The following JAKMIP1 variants were observed in gnomAD, a reference collection of about 807,000 sequenced individuals.
JAKMIP1 encodes janus kinase and microtubule interacting protein 1.
In JAKMIP1, 33 loss-of-function variants were observed where a neutral mutation model predicts 113.0. The observed-to-expected ratio is 0.29, with a 90% CI of 0.22 to 0.39. The LOEUF (loss-of-function observed/expected upper bound fraction) is 0.39, where lower values mean the gene tolerates loss of function less well. Among genes scored for constraint, JAKMIP1 ranks in the 10% least tolerant of loss-of-function variants. The pLI is 1.00. For missense variants in JAKMIP1, 813 were observed against 1,080.5 expected (o/e 0.75, Z 3.47); for synonymous variants, 480 against 459.9 (o/e 1.04, Z -0.56).
In JAKMIP1 at chr4:6,031,862, C is replaced by T. The variant is rs773414139; in HGVS notation, c.2380-2081G>A. ...TGCCCACATCTAAGGATTTAACAAG[C>T]AAATTTGTACCAAGTGTTTAGAGCA... On this transcript the variant is annotated intron_variant, in intron 19 of 20. Coordinates refer to ENST00000409021, the MANE Select transcript of JAKMIP1 (RefSeq NM_001099433.2). This position sits in a 1 kb window ranked among gnomAD's most constrained non-coding sequence, Gnocchi z 4.4. Among the ~76,000 whole-genome samples, 8 of 152,204 alleles carry T rather than the reference C, an allele frequency of 5.3e-5. No homozygotes were observed. The highest frequency in any genetic ancestry group is 1.2e-4 in the Non-Finnish European group (8 of 68,044).
chr4:6,067,966 G>T lies in JAKMIP1; in HGVS notation c.1303-2958C>A, dbSNP rs1314833398. On this transcript the variant is annotated intron_variant, in intron 8 of 20. Coordinates refer to ENST00000409021, the MANE Select transcript of JAKMIP1 (RefSeq NM_001099433.2). This position sits in a 1 kb window ranked among gnomAD's most constrained non-coding sequence, Gnocchi z 4.6. ...GGGGACGAGTCTGTTTGTTGCTGTA[G>T]CCCAGGAAGCATCATCAAGTTACAC... 6.6e-6 allele frequency among the ~76,000 whole-genome samples: 1 copy of T among 152,132 alleles called. No homozygotes were observed. The highest frequency in any genetic ancestry group is 1.5e-5 in the Non-Finnish European group (1 of 68,016).
rs1720073153 is a variant in JAKMIP1, at chr4:6,141,072, A to T, written c.-147-28075T>A. On this transcript the variant is annotated intron_variant, in intron 1 of 20. Coordinates refer to ENST00000409021, the MANE Select transcript of JAKMIP1 (RefSeq NM_001099433.2). This position sits in a 1 kb window ranked among gnomAD's most constrained non-coding sequence, Gnocchi z 9.4. ...GGCCCCCTGCCCAGCATTCACAGCG[A>T]AGAAGCCTCAGTCAGTCACTACCAT... Among the ~76,000 whole-genome samples, 1 of 152,216 alleles carries T rather than the reference A, an allele frequency of 6.6e-6. No individual in the cohort carries two copies. The highest frequency in any genetic ancestry group is 2.1e-4 in the South Asian group (1 of 4,832).
chr4:6,127,548 G>A (rs1250881607), intron 1 of JAKMIP1, among the ~76,000 whole-genome samples: 1 of 152,194 alleles, frequency 6.6e-6, no homozygotes, highest in African/African-American at 2.4e-5. Context: ...TGGCACGTTG[G>A]TGAGGCCCAA....
At chr4:6,072,511 G>A (rs1434305006) in intron 8 of JAKMIP1, among the ~76,000 whole-genome samples, 4 of 152,168 alleles carry the variant, frequency 2.6e-5, no homozygotes, top group Admixed American at 2.6e-4. Flanking sequence ...GAGCCAGAAG[G>A]GAACAAGCCC....
At chr4:6,027,187 G>A (rs1300025613) in intron 20 of JAKMIP1, among the ~76,000 whole-genome samples, 1 of 152,168 alleles carries the variant, frequency 6.6e-6, no homozygotes, top group African/African-American at 2.4e-5. Context: ...AAAAGGAGTT[G>A]CAAGTCATTA....
chr4:6,075,816 C>T (rs1290653882), intron 8 of JAKMIP1, among the ~76,000 whole-genome samples: 1 of 152,234 alleles, frequency 6.6e-6, no homozygotes, highest in African/African-American at 2.4e-5. Context: ...GTTGTACAGG[C>T]AATGTAGCAA....
intron 5 of JAKMIP1, 78 bp downstream of exon 5, chr4:6,084,768 G>A (rs188233072): frequency 1.4e-6 from 2 of 1,447,870 alleles, no homozygotes; most frequent in East Asian, 2.4e-5. Flanking sequence ...TTAACTTTCT[G>A]TGCAGGGCAT....
intron 1 of JAKMIP1, among the ~76,000 whole-genome samples, chr4:6,114,284 G>C (rs1384049232): frequency 6.6e-6 from 1 of 152,208 alleles, no homozygotes; most frequent in Non-Finnish European, 1.5e-5. Flanking sequence ...CACCAGGGAG[G>C]CTACAGAAGA....
chr4:6,059,868 C>T lies in JAKMIP1; in HGVS notation c.1644+556G>A, dbSNP rs181056015. Among the ~76,000 whole-genome samples the T allele has an allele frequency of 6.6e-6, 1 of 152,126 alleles. No homozygotes were observed. The highest frequency in any genetic ancestry group is 2.4e-5 in the African/African-American group (1 of 41,400). On this transcript the variant is annotated intron_variant, in intron 11 of 20. Transcript: ENST00000409021. This position sits in a 1 kb window ranked among gnomAD's most constrained non-coding sequence, Gnocchi z 4.8. Reference sequence around the variant, plus strand: ...CACCCAGAGCCCTCTCTGGCTCCCCCACTCCAGGGGACAGGTCTAGGCCCA... The same window carrying T: ...CACCCAGAGCCCTCTCTGGCTCCCCTACTCCAGGGGACAGGTCTAGGCCCA...
Position 6,106,015 on chromosome 4 carries a change from A to G in JAKMIP1, c.130-48T>C. 8.0e-7 allele frequency: 1 copy of G among 1,246,384 alleles called. No individual in the cohort carries two copies. Among genetic ancestry groups the G allele is most frequent in the Non-Finnish European group, 1.1e-6 (1 of 898,350 alleles). 77.2% of individuals were successfully genotyped at this position (1,246,384 alleles called of 1,614,324 possible). ...GCCGGTCAGGGTCAGGGTCAGGGTC[A>G]GGGTCAGGGTCAGGGTCACAGCTGG... On this transcript the variant is annotated intron_variant, in intron 2 of 20. Transcript: ENST00000409021. This position sits in a 1 kb window ranked among gnomAD's most constrained non-coding sequence, Gnocchi z 5.9.
intron 2 of JAKMIP1, among the ~76,000 whole-genome samples, chr4:6,110,317 G>A (rs1002298219): frequency 1.3e-5 from 2 of 152,082 alleles, no homozygotes; most frequent in Non-Finnish European, 2.9e-5. Context: ...GCGGCCGTCT[G>A]CAAGCCAAGG....
rs974076826 is a variant in JAKMIP1 at position 6,143,819 on chromosome 4, T to A, written c.-147-30822A>T. ...AAATAGAGAAGAAAAAAGAACAATT[T>A]CTGGTCATCAGGGAATAACAGAAGG... On this transcript the variant is annotated intron_variant, in intron 1 of 20. Transcript: ENST00000409021. This position sits in a 1 kb window ranked among gnomAD's most constrained non-coding sequence, Gnocchi z 4.9. 6.6e-6 allele frequency among the ~76,000 whole-genome samples: 1 copy of A among 152,328 alleles called. No homozygotes were observed. Among genetic ancestry groups the A allele is most frequent in the African/African-American group, 2.4e-5 (1 of 41,572 alleles).
chr4:6,123,472 C>A (rs1179990724), intron 1 of JAKMIP1, among the ~76,000 whole-genome samples: 4 of 152,264 alleles, frequency 2.6e-5, no homozygotes, highest in African/African-American at 9.6e-5. Context: ...TCCACCATGC[C>A]ACCACCCCAA....
At chr4:6,134,754 G>A (rs898830151) in intron 1 of JAKMIP1, among the ~76,000 whole-genome samples, 4 of 152,312 alleles carry the variant, frequency 2.6e-5, no homozygotes, top group African/African-American at 9.6e-5. Flanking sequence ...CTGTCCACAC[G>A]ATGGTGCCAC....
chr4:6,063,793 G>A (rs1717657009), intron 9 of JAKMIP1, among the ~76,000 whole-genome samples: 1 of 152,248 alleles, frequency 6.6e-6, no homozygotes, highest in African/African-American at 2.4e-5. Context: ...GAGGGGACAA[G>A]GACAACAAGC....
rs903528737 is a variant in JAKMIP1 at position 6,040,789 on chromosome 4, C to T, written c.2098-73G>A. On this transcript the variant is annotated intron_variant, in intron 17 of 20. Coordinates refer to ENST00000409021, the MANE Select transcript of JAKMIP1 (RefSeq NM_001099433.2). This position sits in a 1 kb window ranked among gnomAD's most constrained non-coding sequence, Gnocchi z 5.8. ...CCATGACAGCTTCAGAGCCCGTTTG[C>T]TAGAGAGTGGCAGTCTCACCGAATT... The T allele has an allele frequency of 1.6e-5, 20 of 1,212,646 alleles. No homozygotes were observed. The Admixed American group carries it at 2.8e-4, about 17-fold the overall frequency. The allele number at this position is 1,212,646 out of a possible 1,614,324, so 75.1% of individuals were successfully genotyped here. A position where few individuals can be genotyped will look rare whatever the true frequency, so the allele number is the denominator to read the frequency against.
At position 6,199,604 on chromosome 4, in the gene JAKMIP1, A is replaced by G. The variant is rs1728222423; in HGVS notation, c.-148+649T>C. ...AGGGTGGGTGCCAGCCTTTCTTCCCATCTCTCGAGCCTCCTCCCCGGCGCC... is the reference window on the plus strand; with the variant it reads ...AGGGTGGGTGCCAGCCTTTCTTCCCGTCTCTCGAGCCTCCTCCCCGGCGCC... On this transcript the variant is annotated intron_variant, in intron 1 of 20. Coordinates refer to ENST00000409021, the MANE Select transcript of JAKMIP1 (RefSeq NM_001099433.2). The surrounding 1 kb of genome is among the most constrained non-coding windows in gnomAD (Gnocchi z 5.6). Among the ~76,000 whole-genome samples, 1 of 151,782 alleles carries G rather than the reference A, an allele frequency of 6.6e-6. No homozygotes were observed. The highest frequency in any genetic ancestry group is 2.4e-5 in the African/African-American group (1 of 41,444).
chr4:6,074,399 G>C (rs1481182834), intron 8 of JAKMIP1, among the ~76,000 whole-genome samples: 2 of 152,160 alleles, frequency 1.3e-5, no homozygotes, highest in Non-Finnish European at 2.9e-5. Context: ...CAGATTTCTG[G>C]AAAGTTCTGG....
intron 1 of JAKMIP1, among the ~76,000 whole-genome samples, chr4:6,130,869 A>T (rs551416381): frequency 6.6e-5 from 10 of 151,916 alleles, no homozygotes; most frequent in African/African-American, 2.2e-4. Context: ...ATAAATAAAT[A>T]AAAAAAACGA....
Sources: allele counts gnomAD v4.1 joint callset (sites outside exome capture counted in the v4.1 genomes callset), GRCh38; gene constraint gnomAD v4.1.1; non-coding constraint Gnocchi (gnomAD v3.1); transcripts MANE v1.5; gene names NCBI Gene and HGNC (gene_info 2026-07-23, HGNC 2026-07-21).